The following FCHSD2 variants were observed in gnomAD, a reference collection of about 807,000 sequenced individuals.
FCHSD2 encodes FCH and double SH3 domains 2, also known as F-BAR and double SH3 domains protein 2.
In FCHSD2, 38 loss-of-function variants were observed where a neutral mutation model predicts 108.1. That is an observed-to-expected ratio of 0.35 (90% CI 0.27 to 0.46). FCHSD2 has a LOEUF of 0.46. Ranked by LOEUF, FCHSD2 falls within the 20% of genes least tolerant of loss-of-function variation. The probability of loss-of-function intolerance (pLI) is 1.00; values close to 1 mark genes in which losing one functional copy is unlikely to be tolerated. For synonymous variants in FCHSD2, 279 were observed against 314.7 expected (o/e 0.89, Z 1.20); for missense variants, 751 against 897.8 (o/e 0.84, Z 2.09).
At chr11:73,117,859 A>C (rs1484378456) in intron 2 of FCHSD2, among the ~76,000 whole-genome samples, 2 of 152,224 alleles carry the variant, frequency 1.3e-5, no homozygotes, top group Non-Finnish European at 2.9e-5. Context: ...GTAGACAATA[A>C]TACTCTTCCC....
chr11:73,121,745 T>C (rs1443637354), intron 2 of FCHSD2, among the ~76,000 whole-genome samples: 2 of 152,040 alleles, frequency 1.3e-5, no homozygotes, highest in Non-Finnish European at 2.9e-5. Context: ...CTATAATTTA[T>C]AACAGTGGTC....
chr11:72,862,168 A>C (rs1225648491), intron 13 of FCHSD2, among the ~76,000 whole-genome samples: 1 of 152,200 alleles, frequency 6.6e-6, no homozygotes, highest in Non-Finnish European at 1.5e-5. Flanking sequence ...CTTCATACTT[A>C]ATGGTGAAAG....
chr11:72,841,495 T>G lies in FCHSD2; in HGVS notation c.2015A>C (p.Lys672Thr). The G allele has an allele frequency of 6.2e-7, 1 of 1,611,310 alleles. No homozygotes were observed. Among genetic ancestry groups the G allele is most frequent in the Non-Finnish European group, 8.5e-7 (1 of 1,178,884 alleles). Residue 672 changes from lysine to threonine, a missense_variant, in exon 18 of 20, where the codon AAG (lysine) becomes ACG (threonine). Physicochemically the swap from Lys to Thr is moderately conservative, Grantham distance 78 (BLOSUM62 -1). Transcript: ENST00000409418. ...CCGGGGAAAGTACAGGGAGCTCCTC[T>G]TATCTGGGCTGGGGTAGGGGCTGCT... Reference protein sequence around the residue: ...PPSSPYPSPDKRSSLYFPRSP... With the variant: ...PPSSPYPSPDTRSSLYFPRSP...
chr11:73,074,037 T>G (rs1034677371), intron 3 of FCHSD2, among the ~76,000 whole-genome samples: 2 of 152,122 alleles, frequency 1.3e-5, no homozygotes, highest in Non-Finnish European at 2.9e-5. Context: ...AACGAACAGA[T>G]ATCAAGATTT....
chr11:72,961,588 G>T (rs914666650), intron 8 of FCHSD2, among the ~76,000 whole-genome samples: 1 of 152,098 alleles, frequency 6.6e-6, no homozygotes, highest in African/African-American at 2.4e-5. Context: ...GTGTAGTTCA[G>T]AAATGGATAC....
intron 4 of FCHSD2, among the ~76,000 whole-genome samples, chr11:73,014,755 G>A (rs892204715): frequency 2.0e-5 from 3 of 152,088 alleles, no homozygotes; most frequent in Non-Finnish European, 2.9e-5. Context: ...AAGCTCTGAG[G>A]TCACTGACTT....
chr11:72,960,008 A>G (rs1856794272), intron 8 of FCHSD2, among the ~76,000 whole-genome samples: 1 of 152,140 alleles, frequency 6.6e-6, no homozygotes, highest in Admixed American at 6.6e-5. Context: ...ACATATTAAT[A>G]TAGGGTATTA....
intron 8 of FCHSD2, among the ~76,000 whole-genome samples, chr11:72,946,906 T>C (rs568416964): frequency 6.4e-4 from 98 of 152,298 alleles, no homozygotes; most frequent in African/African-American, 2.2e-3. Flanking sequence ...AGGACAAAAA[T>C]GACTGCCTGC....
intron 3 of FCHSD2, among the ~76,000 whole-genome samples, chr11:73,035,165 T>A (rs1347583700): frequency 8.4e-6 from 1 of 118,610 alleles, no homozygotes; most frequent in Non-Finnish European, 1.9e-5. Flanking sequence ...TATGTATGTA[T>A]GTATGTATGT....
intron 8 of FCHSD2, among the ~76,000 whole-genome samples, chr11:72,926,849 A>G (rs1015531306): frequency 6.6e-6 from 1 of 152,174 alleles, no homozygotes; most frequent in African/African-American, 2.4e-5. Flanking sequence ...TAGATGTAGA[A>G]GCATCTTTCT....
intron 3 of FCHSD2, among the ~76,000 whole-genome samples, chr11:73,073,655 C>T (rs982900947): frequency 6.6e-6 from 1 of 152,182 alleles, no homozygotes; most frequent in African/African-American, 2.4e-5. Context: ...ATCCTTTGCA[C>T]AGAGGATAAC....
chr11:72,952,039 A>T (rs1856629758), intron 8 of FCHSD2, among the ~76,000 whole-genome samples: 3 of 152,144 alleles, frequency 2.0e-5, no homozygotes, highest in Non-Finnish European at 4.4e-5. Context: ...AGAATCAAAA[A>T]TTCCCTGAAG....
intron 8 of FCHSD2, among the ~76,000 whole-genome samples, chr11:72,967,326 C>A (rs1342804580): frequency 6.6e-6 from 1 of 151,834 alleles, no homozygotes; most frequent in Non-Finnish European, 1.5e-5. Flanking sequence ...TAGAGATAGG[C>A]TGGTAACAGC....
chr11:72,947,676 G>A (rs1435977707), intron 8 of FCHSD2, among the ~76,000 whole-genome samples: 1 of 151,936 alleles, frequency 6.6e-6, no homozygotes, highest in Non-Finnish European at 1.5e-5. Flanking sequence ...TCTCCCAAAA[G>A]TTAGTTCATA....
intron 2 of FCHSD2, among the ~76,000 whole-genome samples, chr11:73,120,978 T>C (rs1565100133): frequency 6.6e-6 from 1 of 152,140 alleles, no homozygotes. Flanking sequence ...ATTTTTGTTA[T>C]TGTTCAACGT....
rs370701482 is a variant in FCHSD2 at position 73,044,911 on chromosome 11, A to T, written c.166-29026T>A. On this transcript the variant is annotated intron_variant, in intron 3 of 19. Transcript: ENST00000409418. Reference sequence around the variant, plus strand: ...CAGTGAAACCCCATCTCTACTAAAAATACAAAAAATTAGCCGGGTGTGGTG... The same window carrying T: ...CAGTGAAACCCCATCTCTACTAAAATTACAAAAAATTAGCCGGGTGTGGTG... Among the ~76,000 whole-genome samples, 6 of 152,188 alleles carry T rather than the reference A, an allele frequency of 3.9e-5. No individual in the cohort carries two copies. In the East Asian group the frequency reaches 1.2e-3, roughly 29 times the overall value.
chr11:73,021,245 A>C (rs1036398441), intron 3 of FCHSD2, among the ~76,000 whole-genome samples: 15 of 152,096 alleles, frequency 9.9e-5, no homozygotes, highest in African/African-American at 3.1e-4. Context: ...AAAAAAAAAA[A>C]AAACAGGCAC....
intron 4 of FCHSD2, among the ~76,000 whole-genome samples, chr11:73,005,006 C>T (rs748710085): frequency 1.6e-4 from 24 of 152,192 alleles, no homozygotes; most frequent in Non-Finnish European, 2.5e-4. Context: ...ATTACTTGCA[C>T]GAACTACCTG....
chr11:73,116,466 G>C (rs967386600), intron 2 of FCHSD2, among the ~76,000 whole-genome samples: 9 of 152,088 alleles, frequency 5.9e-5, no homozygotes, highest in African/African-American at 2.2e-4. Flanking sequence ...TATCTGACTT[G>C]ATAAAACTTA....
Sources: gnomAD v4.1 joint callset for allele counts (sites outside exome capture counted in the v4.1 genomes callset) on GRCh38, gnomAD v4.1.1 for gene constraint, MANE v1.5 for transcripts, NCBI Gene and HGNC (gene_info 2026-07-23, HGNC 2026-07-21) for gene names.